Variants in TLE6 observed in about 807,000 individuals in gnomAD.
TLE6 encodes the protein TLE family member 6, subcortical maternal complex member.
TLE6 carries 72 observed loss-of-function variants against 77.1 expected under a neutral mutation model. The ratio of observed to expected loss-of-function variants is 0.93; its 90% CI spans 0.77 to 1.14. The LOEUF (loss-of-function observed/expected upper bound fraction) is 1.14. TLE6 is among the 50% of genes most tolerant of loss of function. TLE6 has a pLI of 0.00. For missense variants in TLE6, 843 were observed against 747.6 expected, an observed-to-expected ratio of 1.13 and a Z score of -1.49; for synonymous variants, 366 against 287.3, an observed-to-expected ratio of 1.27 and a Z score of -2.77.
Position 2,993,528 on chromosome 19 carries a change from C to G in TLE6, c.1483C>G (p.His495Asp), listed in dbSNP as rs533155876. ...GCAAAGCACCAGCGGGAGCCAGCGGCACATGGTGGGGCAAAAAGACAGCGT... is the reference window on the plus strand; with the variant it reads ...GCAAAGCACCAGCGGGAGCCAGCGGGACATGGTGGGGCAAAAAGACAGCGT... ...WLQSTSGSQR[H>D]MVGQKDSVIL... The change falls in exon 15 of 17, where the codon CAC becomes GAC. Residue 495 changes from histidine (H) to aspartate (D), a missense_variant. Physicochemically the swap from His to Asp is moderately conservative, Grantham distance 81. Coordinates refer to ENST00000246112, the MANE Select transcript of TLE6 (RefSeq NM_001143986.2). The G allele has an allele frequency of 2.1e-5, 33 of 1,591,356 alleles. No homozygotes were observed. In the African/African-American group the frequency reaches 3.9e-4, roughly 19 times the overall value.
Position 2,982,141 on chromosome 19 carries a change from T to G in TLE6, c.181-7T>G. 1 of 1,551,400 alleles carries G rather than the reference T, an allele frequency of 6.4e-7. No individual in the cohort carries two copies. Among genetic ancestry groups the G allele is most frequent in the South Asian group, 1.2e-5 (1 of 84,046 alleles). On this transcript the variant is annotated splice_region_variant and splice_polypyrimidine_tract_variant and intron_variant, in intron 4 of 16. Transcript: ENST00000246112. ...CTCCCGATGGGATCTCTGTTTTCCC[T>G]TTGCAGCTGCACAAGATCCAGCAGG... is the stretch of plus-strand genomic sequence containing the variant.
chr19:2,989,465 T>A, intron 12 of TLE6, 70 bp from the exon 13 acceptor site: 1 of 1,573,594 alleles, frequency 6.4e-7, no homozygotes, highest in Non-Finnish European at 8.6e-7. Flanking sequence ...GAGTTCGCTC[T>A]CATGAGGCAA....
At position 2,987,889 on chromosome 19, in the gene TLE6, C is replaced by T; in HGVS notation, c.626-9C>T. 2 of 1,609,632 alleles carry T rather than the reference C, an allele frequency of 1.2e-6. No individual in the cohort carries two copies. Among genetic ancestry groups the T allele is most frequent in the South Asian group, 1.1e-5 (1 of 90,712 alleles). On this transcript the variant is annotated splice_polypyrimidine_tract_variant and intron_variant, in intron 9 of 16. Transcript: ENST00000246112. ...GCAAGCCGCTTAGCCCCTCTTGTCTCCCCACTAGCCCCCAGGCCACCTGAG... is the reference window on the plus strand; with the variant it reads ...GCAAGCCGCTTAGCCCCTCTTGTCTTCCCACTAGCCCCCAGGCCACCTGAG...
intron 2 of TLE6, among the ~76,000 whole-genome samples, chr19:2,978,565 C>T (rs746293926): frequency 4.6e-5 from 7 of 152,192 alleles, no homozygotes; most frequent in African/African-American, 1.7e-4. Context: ...GCCTGGACAA[C>T]GTAGTGAGAC....
At chr19:2,986,941 C>T (rs895154654) in intron 6 of TLE6, 42 bp from the exon 7 acceptor site, 1 of 1,556,304 alleles carries the variant, frequency 6.4e-7, no homozygotes, top group African/African-American at 1.4e-5. Context: ...TGGGTGAAGG[C>T]TCATCCTCAA....
intron 8 of TLE6, 31 bp downstream of exon 8, chr19:2,987,403 G>A (rs2088939355): frequency 4.3e-6 from 7 of 1,612,634 alleles, no homozygotes; most frequent in African/African-American, 1.3e-5. Context: ...CTATCCAGAG[G>A]GGTGGGCTTC....
At chr19:2,993,100 A>C (rs960889762) in intron 14 of TLE6, among the ~76,000 whole-genome samples, 2 of 150,996 alleles carry the variant, frequency 1.3e-5, no homozygotes, top group African/African-American at 4.9e-5. Flanking sequence ...AGTCCCAGCT[A>C]CTCAAGAGGC....
At chr19:2,994,253 ATCTCT>A (rs2089157201) in intron 16 of TLE6, among the ~76,000 whole-genome samples, 158 bp downstream of exon 16, 3 of 152,164 alleles carry the variant, frequency 2.0e-5, no homozygotes, top group Admixed American at 1.3e-4. Flanking sequence ...AGGCAGGAAG[ATCTCT>A]TAAGTGTAGG....
In TLE6 at chr19:2,993,572, C is replaced by T; in HGVS notation, c.1527C>T (p.Phe509=). 6.4e-7 allele frequency: 1 copy of T among 1,566,320 alleles called. No individual in the cohort carries two copies. Among genetic ancestry groups the T allele is most frequent in the Non-Finnish European group, 8.7e-7 (1 of 1,149,670 alleles). Residue 509 remains phenylalanine, a synonymous_variant, in exon 15 of 17, where the codon TTC becomes TTT. Transcript: ENST00000246112. ...ACAGCGTCATCCTGAGCGTCAAGTT[C>T]TCCCCCTTTGGTAAGCGGCTGGCGG... ...QKDSVILSVK[F]SPFGQWWASV... is the part of the protein sequence containing the mutation.
chr19:2,980,121 T>A lies in TLE6; in HGVS notation c.73T>A (p.Ser25Thr). ...CCAGCCTTGTCCTGGGATCTCGAAC[T>A]CTGAGAGCTCTCCGACGCTGAATTA... ...STSPCPGISN[S>T]ESSPTLNYQG... Residue 25 changes from serine (S) to threonine (T), a missense_variant, in exon 3 of 17, where the codon TCT (serine) becomes ACT (threonine). Physicochemically the swap from Ser to Thr is moderately conservative, Grantham distance 58. Coordinates refer to ENST00000246112, the MANE Select transcript of TLE6 (RefSeq NM_001143986.2). 1.3e-6 allele frequency: 2 copies of A among 1,550,692 alleles called. No individual in the cohort carries two copies. Among genetic ancestry groups the A allele is most frequent in the Non-Finnish European group, 1.7e-6 (2 of 1,146,276 alleles).
chr19:2,994,777 C>T (rs1015320162), intron 16 of TLE6, 123 bp from the exon 17 acceptor site: 7 of 573,068 alleles, frequency 1.2e-5, no homozygotes, highest in Non-Finnish European at 2.2e-5. Flanking sequence ...GCACTCCAGC[C>T]TGGGCAACAG....
rs2089075506 is a variant in TLE6 at position 2,991,910 on chromosome 19, G to T, written c.1312G>T (p.Gly438Cys). The T allele has an allele frequency of 6.2e-7, 1 of 1,613,740 alleles. No homozygotes were observed. Among genetic ancestry groups the T allele is most frequent in the Non-Finnish European group, 8.5e-7 (1 of 1,179,864 alleles). The change falls in exon 14 of 17, where the codon GGT (glycine) becomes TGT (cysteine). Residue 438 changes from glycine to cysteine, a missense_variant. By Grantham distance (159) the Gly-to-Cys change is radical. Coordinates refer to ENST00000246112, the MANE Select transcript of TLE6 (RefSeq NM_001143986.2). ...CAAGGGCTACAACATCTGGACTGGG[G>T]GTCCGGATGCCTGTCTGCGGTGCTG... ...VVKGYNIWTGGPDACLRCWDQ... is the reference protein window; with the variant it reads ...VVKGYNIWTGCPDACLRCWDQ...
intron 5 of TLE6, among the ~76,000 whole-genome samples, chr19:2,986,183 T>TG (rs1272213223): frequency 7.1e-6 from 1 of 140,334 alleles, no homozygotes; most frequent in East Asian, 2.4e-4. Context: ...GAGGCACACG[T>TG]GGGAGGATAG....
chr19:2,981,878 A>G (rs1248612130), intron 4 of TLE6, among the ~76,000 whole-genome samples: 1 of 152,044 alleles, frequency 6.6e-6, no homozygotes, highest in African/African-American at 2.4e-5. Flanking sequence ...AGGCTGAGGC[A>G]GGAGAATCGC....
intron 13 of TLE6, among the ~76,000 whole-genome samples, chr19:2,991,522 C>T (rs1046428167): frequency 1.3e-4 from 20 of 151,176 alleles, no homozygotes; most frequent in Admixed American, 3.3e-4. Flanking sequence ...ACCACCCGCC[C>T]GGCACTATTC....
At chr19:2,987,296 G>A (rs1398039469) in intron 7 of TLE6, 58 bp downstream of exon 7, 2 of 1,614,076 alleles carry the variant, frequency 1.2e-6, no homozygotes, top group African/African-American at 1.3e-5. Context: ...CTCAGGGGCT[G>A]TGCAGTGAAC....
At chr19:2,988,932 G>A (rs915509674) in intron 11 of TLE6, 129 bp from the exon 12 acceptor site, 40 of 1,334,762 alleles carry the variant, frequency 3.0e-5, no homozygotes, top group Admixed American at 1.1e-4. Context: ...GAGTCTAGAG[G>A]GTAAAACAAG....
chr19:2,984,351 C>CTG (rs1491410310), intron 5 of TLE6: 3 of 150,764 alleles, frequency 2.0e-5, no homozygotes, highest in Non-Finnish European at 3.0e-5. Flanking sequence ...CCCCCCCCCC[C>CTG]CGCGGGGCTC....
At chr19:2,983,554 A>T (rs1402316713) in intron 5 of TLE6, among the ~76,000 whole-genome samples, 2 of 147,872 alleles carry the variant, frequency 1.4e-5, no homozygotes, top group Non-Finnish European at 3.0e-5. Flanking sequence ...CTGAGGCAGG[A>T]CGGTGCCTGT....
Sources: gnomAD v4.1 joint callset for allele counts (sites outside exome capture counted in the v4.1 genomes callset) on GRCh38, gnomAD v4.1.1 for gene constraint, MANE v1.5 for transcripts, NCBI Gene and HGNC (gene_info 2026-07-23, HGNC 2026-07-21) for gene names.